Variants in FAM221A observed in about 807,000 individuals in gnomAD.
FAM221A encodes protein FAM221A.
In FAM221A, 43 loss-of-function variants were observed where a neutral mutation model predicts 37.6. The observed-to-expected ratio is 1.15, with a 90% CI of 0.90 to 1.48. FAM221A has a LOEUF of 1.48. Ranked by LOEUF, FAM221A falls within the 40% of genes most tolerant of loss-of-function variation. FAM221A has a pLI of 0.00. For synonymous variants in FAM221A, 135 were observed against 132.9 expected (o/e 1.02, Z -0.11); for missense variants, 361 against 361.5 (o/e 1.00, Z 0.01).
rs767665242 is a variant in FAM221A at position 23,684,528 on chromosome 7, T to G, written c.95T>G (p.Leu32Arg). The change falls in exon 2 of 7, where the codon CTT becomes CGT. Residue 32 changes from leucine to arginine, a missense_variant. Leu to Arg is a moderately radical substitution (Grantham distance 102). Transcript: ENST00000344962. ...RIVGEDDGGK[L>R]FTPEEYEEYK... ...GTTGGTGAGGATGATGGAGGGAAACTTTTTACTCCTGAAGAATATGAAGAA... is the reference window on the plus strand; with the variant it reads ...GTTGGTGAGGATGATGGAGGGAAACGTTTTACTCCTGAAGAATATGAAGAA... The G allele has an allele frequency of 3.1e-6, 5 of 1,610,302 alleles. No homozygotes were observed. The highest frequency in any genetic ancestry group is 4.2e-6 in the Non-Finnish European group (5 of 1,178,826).
At chr7:23,680,831 G>A (rs1181159940) in intron 1 of FAM221A, 1 of 152,376 alleles carries the variant, frequency 6.6e-6, no homozygotes, top group Non-Finnish European at 1.5e-5. Flanking sequence ...TGCACCTGCA[G>A]CGACGCGCTC....
chr7:23,702,036 G>GT (rs1350293498), intron 6 of FAM221A, 60 bp from the exon 7 acceptor site: 118 of 1,211,630 alleles, frequency 9.7e-5, no homozygotes, highest in South Asian at 2.4e-4. Context: ...TTTTCTGCAA[G>GT]TTTTTTTTCT....
At chr7:23,682,436 ATTATTT>A (rs1239447841) in intron 1 of FAM221A, among the ~76,000 whole-genome samples, 1 of 75,636 alleles carries the variant, frequency 1.3e-5, no homozygotes, top group Non-Finnish European at 2.8e-5. Flanking sequence ...TATTATTATT[ATTATTT>A]TTTTTTTTAG....
intron 4 of FAM221A, among the ~76,000 whole-genome samples, chr7:23,695,298 T>G (rs1784986077): frequency 6.6e-6 from 1 of 152,120 alleles, no homozygotes; most frequent in Admixed American, 6.5e-5. Flanking sequence ...GTATTGTCTT[T>G]TCATTTATTT....
In FAM221A at chr7:23,702,130, A is replaced by G. The variant is rs773851207; in HGVS notation, c.863A>G (p.Lys288Arg). ...GAAAAGGCTGCTAAGTGGAAAGGAA[A>G]AGCTCCATTGCCATCAGCTACAAAA... ...KMEKAAKWKG[K>R]APLPSATKPS Residue 288 changes from lysine (K) to arginine (R), a missense_variant, in exon 7 of 7, where the codon AAA becomes AGA. Physicochemically the swap from Lys to Arg is conservative, Grantham distance 26 (BLOSUM62 2). Transcript: ENST00000344962. The G allele has an allele frequency of 4.4e-6, 7 of 1,602,540 alleles. No homozygotes were observed. The highest frequency in any genetic ancestry group is 6.0e-6 in the Non-Finnish European group (7 of 1,174,250).
chr7:23,687,197 C>T (rs765253079), intron 2 of FAM221A: 1 of 152,180 alleles, frequency 6.6e-6, no homozygotes, highest in Non-Finnish European at 1.5e-5. Context: ...TTTTTAATAC[C>T]TGCCAGCTAG....
At chr7:23,682,523 C>T (rs567471656) in intron 1 of FAM221A, among the ~76,000 whole-genome samples, 16 of 151,316 alleles carry the variant, frequency 1.1e-4, no homozygotes, top group South Asian at 4.2e-4. Context: ...CCTCTGCCTC[C>T]GTGGAAGTGA....
At position 23,702,453 on chromosome 7, in the gene FAM221A, T is replaced by C. The variant is rs1262282035; in HGVS notation, c.*289T>C. ...TGTTTTTAGTACATAATAATTTAAC[T>C]GTTTCAGGTATTTAAAAAATTAAAG... On this transcript the variant is annotated 3_prime_UTR_variant, in exon 7 of 7. Coordinates refer to ENST00000344962, the MANE Select transcript of FAM221A (RefSeq NM_199136.5). 1 of 190,544 alleles carries C rather than the reference T, an allele frequency of 5.2e-6. No homozygotes were observed. Among genetic ancestry groups the C allele is most frequent in the African/African-American group, 2.3e-5 (1 of 42,944 alleles). 11.8% of individuals were successfully genotyped at this position (190,544 alleles called of 1,614,324 possible).
intron 4 of FAM221A, among the ~76,000 whole-genome samples, chr7:23,697,818 C>T (rs940530659): frequency 6.6e-6 from 1 of 152,154 alleles, no homozygotes; most frequent in African/African-American, 2.4e-5. Context: ...GTGATGTGAT[C>T]ATAGCTCACT....
chr7:23,698,135 A>C, intron 4 of FAM221A, 57 bp from the exon 5 acceptor site: 3 of 905,612 alleles, frequency 3.3e-6, no homozygotes, highest in Non-Finnish European at 5.3e-6. Context: ...AGAAGTAATA[A>C]CTTGTTTGTA....
intron 1 of FAM221A, among the ~76,000 whole-genome samples, chr7:23,681,443 A>G (rs888742123): frequency 1.3e-5 from 2 of 152,056 alleles, no homozygotes; most frequent in African/African-American, 4.8e-5. Flanking sequence ...TTTTATTGAG[A>G]CGGGGTCTGA....
At chr7:23,694,457 A>G (rs1784931563) in intron 4 of FAM221A, 1 of 152,112 alleles carries the variant, frequency 6.6e-6, no homozygotes, top group Non-Finnish European at 1.5e-5. Flanking sequence ...CTGCAGTTTT[A>G]TGGGTGCATA....
At position 23,689,510 on chromosome 7, in the gene FAM221A, C is replaced by T. The variant is rs1427604703; in HGVS notation, c.430+51C>T. On this transcript the variant is annotated intron_variant, in intron 3 of 6. Transcript: ENST00000344962. ...AAACTCAGAATGTTTATATGTCTTCCTTGAATATTTAACGTGCTTTTTTAC... is the reference window on the plus strand; with the variant it reads ...AAACTCAGAATGTTTATATGTCTTCTTTGAATATTTAACGTGCTTTTTTAC... 3.7e-6 allele frequency: 5 copies of T among 1,343,756 alleles called. No individual in the cohort carries two copies. The East Asian group carries it at 1.2e-4, about 32-fold the overall frequency. The allele number at this position is 1,343,756 out of a possible 1,614,324, so 83.2% of individuals were successfully genotyped here. A position where few individuals can be genotyped will look rare whatever the true frequency, so the allele number is the denominator to read the frequency against.
chr7:23,687,124 C>G (rs1424904979), intron 2 of FAM221A: 1 of 152,184 alleles, frequency 6.6e-6, no homozygotes, highest in Non-Finnish European at 1.5e-5. Context: ...TACTGAGCCA[C>G]TTTTTAATGA....
At chr7:23,693,599 T>G (rs1784875182) in intron 4 of FAM221A, 1 of 152,128 alleles carries the variant, frequency 6.6e-6, no homozygotes, top group Non-Finnish European at 1.5e-5. Context: ...ATTTTTTTTT[T>G]CTTTACAGTT....
rs965030511 is a variant in FAM221A at position 23,702,564 on chromosome 7, AAAT to A, written c.*402_*404del. 6.6e-6 allele frequency: 1 copy of A among 152,242 alleles called. No homozygotes were observed. The highest frequency in any genetic ancestry group is 2.4e-5 in the African/African-American group (1 of 40,862). 9.4% of individuals were successfully genotyped at this position (152,242 alleles called of 1,614,324 possible). A position where few individuals can be genotyped will look rare whatever the true frequency, so the allele number is the denominator to read the frequency against. ...TTAAAAACAAGAGAACAAAAGAAAA[AAAT>A]AGTTAAAATCATTAATTTTTTTATT... On this transcript the variant is annotated 3_prime_UTR_variant, in exon 7 of 7. Transcript: ENST00000344962.
intron 1 of FAM221A, among the ~76,000 whole-genome samples, chr7:23,682,439 A>AT (rs59949135): frequency 0.11 from 8,437 of 79,240 alleles, 331 homozygotes; most frequent in African/African-American, 0.13. Context: ...TATTATTATT[A>AT]TTTTTTTTTT....
chr7:23,684,636 T>G lies in FAM221A; in HGVS notation c.203T>G (p.Leu68Arg). 1 of 1,613,962 alleles carries G rather than the reference T, an allele frequency of 6.2e-7. No individual in the cohort carries two copies. Among genetic ancestry groups the G allele is most frequent in the Non-Finnish European group, 8.5e-7 (1 of 1,179,974 alleles). Residue 68 changes from leucine to arginine, a missense_variant, in exon 2 of 7, where the codon CTT becomes CGT. Physicochemically the swap from Leu to Arg is moderately radical, Grantham distance 102. Transcript: ENST00000344962. ...TCACCAACAGGGATGGATTGTAAAC[T>G]TGTGGGCCCAGAGACACTGTGTTTT... ...WRSPTGMDCK[L>R]VGPETLCFCT... is the part of the protein sequence containing the mutation.
At chr7:23,699,840 C>G (rs1467500122) in intron 5 of FAM221A, among the ~76,000 whole-genome samples, 1 of 151,962 alleles carries the variant, frequency 6.6e-6, no homozygotes, top group Non-Finnish European at 1.5e-5. Flanking sequence ...GTGCACCTGG[C>G]CTGATAGTCA....
Sources: gnomAD v4.1 joint callset for allele counts (sites outside exome capture counted in the v4.1 genomes callset) on GRCh38, gnomAD v4.1.1 for gene constraint, MANE v1.5 for transcripts, NCBI Gene and HGNC (gene_info 2026-07-23, HGNC 2026-07-21) for gene names.